SLC9C2: variants seen among roughly 807,000 people sequenced by gnomAD.
SLC9C2 encodes the protein solute carrier family 9 member C2 (putative).
A neutral mutation model predicts 140.2 loss-of-function variants in SLC9C2; 75 were observed. The observed-to-expected ratio is 0.53, with a 90% CI of 0.44 to 0.65. The LOEUF is 0.65. SLC9C2 is among the 30% of genes least tolerant of loss of function. The pLI is 0.00. For synonymous variants in SLC9C2, 375 were observed against 420.9 expected (o/e 0.89, Z 1.34); for missense variants, 1,074 against 1,331.8 (o/e 0.81, Z 3.01).
At chr1:173,580,595 C>T (rs1490187364) in intron 7 of SLC9C2, among the ~76,000 whole-genome samples, 3 of 152,276 alleles carry the variant, frequency 2.0e-5, no homozygotes, top group East Asian at 3.9e-4. Context: ...TCAAGTGATC[C>T]GCCTGCCTCA....
chr1:173,534,372 A>C, intron 16 of SLC9C2, 112 bp downstream of exon 16: 1 of 1,138,496 alleles, frequency 8.8e-7, no homozygotes, highest in South Asian at 1.6e-5. Flanking sequence ...GATCTCATCA[A>C]CTATCATAGC....
intron 18 of SLC9C2, among the ~76,000 whole-genome samples, chr1:173,528,878 C>T (rs1461024): frequency 0.51 from 77,157 of 151,978 alleles, 21,319 homozygotes; most frequent in East Asian, 0.95. Context: ...TCACCAAACA[C>T]TGGGGGCAAA....
intron 13 of SLC9C2, among the ~76,000 whole-genome samples, chr1:173,542,317 TG>T (rs745561444): frequency 9.9e-6 from 1 of 100,944 alleles, no homozygotes; most frequent in African/African-American, 2.7e-5. Context: ...AGGAAGAAGT[TG>T]AATGGCTGAA....
intron 10 of SLC9C2, 140 bp from the exon 11 acceptor site, chr1:173,554,954 T>C: frequency 1.6e-6 from 1 of 636,930 alleles, no homozygotes; most frequent in East Asian, 2.8e-5. Flanking sequence ...ATAAGTCAGT[T>C]AAGGCAAAAA....
rs375467479 is a variant in SLC9C2 at position 173,509,578 on chromosome 1, A to T, written c.3029T>A (p.Leu1010His). Reference protein sequence around the residue: ...STAYQYFESSLIDEDLRFQNC... With the variant: ...STAYQYFESSHIDEDLRFQNC... ...AATCACATAACTTACCTCATCAATA[A>T]GACTTGATTCAAAATACTGATAGGC... Residue 1010 changes from leucine to histidine, a missense_variant, in exon 24 of 28, where the codon CTT becomes CAT. By Grantham distance (99) the Leu-to-His change is moderately conservative. Coordinates refer to ENST00000367714, the MANE Select transcript of SLC9C2 (RefSeq NM_178527.4). The T allele has an allele frequency of 6.4e-7, 1 of 1,558,476 alleles. No individual in the cohort carries two copies. The highest frequency in any genetic ancestry group is 2.3e-5 in the East Asian group (1 of 42,612).
chr1:173,542,943 T>G (rs1474279428), intron 13 of SLC9C2, among the ~76,000 whole-genome samples: 1 of 152,172 alleles, frequency 6.6e-6, no homozygotes, highest in Non-Finnish European at 1.5e-5. Flanking sequence ...CTTTGAAAAC[T>G]GGCACAAGAC....
At chr1:173,576,857 A>G in intron 7 of SLC9C2, 97 bp from the exon 8 acceptor site, 1 of 796,462 alleles carries the variant, frequency 1.3e-6, no homozygotes, top group Non-Finnish European at 2.0e-6. Context: ...GGGAATCTTA[A>G]GAGAAGTAGT....
intron 7 of SLC9C2, among the ~76,000 whole-genome samples, chr1:173,579,265 T>C (rs2102207604): frequency 6.6e-6 from 1 of 152,330 alleles, no homozygotes; most frequent in South Asian, 2.1e-4. Flanking sequence ...TTAAGGCTGG[T>C]TCTTAGAGAC....
At chr1:173,582,913 A>G (rs916710595) in intron 6 of SLC9C2, among the ~76,000 whole-genome samples, 2 of 152,238 alleles carry the variant, frequency 1.3e-5, no homozygotes, top group Non-Finnish European at 2.9e-5. Flanking sequence ...CCAGTAAAGA[A>G]GTAATTCTGA....
intron 5 of SLC9C2, among the ~76,000 whole-genome samples, 158 bp downstream of exon 5, chr1:173,587,507 C>T (rs1231248048): frequency 2.6e-5 from 4 of 152,032 alleles, no homozygotes; most frequent in African/African-American, 9.7e-5. Context: ...TTTGCACTGT[C>T]TCCTTAAAGT....
At position 173,521,288 on chromosome 1, in the gene SLC9C2, A is replaced by C. The variant is rs780224202; in HGVS notation, c.2739+13T>G. 7.1e-7 allele frequency: 1 copy of C among 1,410,394 alleles called. No homozygotes were observed. The highest frequency in any genetic ancestry group is 2.6e-5 in the Admixed American group (1 of 38,678). The allele number at this position is 1,410,394 out of a possible 1,614,324, so 87.4% of individuals were successfully genotyped here. ...TTAAGTAAAAAAAAAAAAAAAAATCAATAGTCCCTTACAATTGCCATTCCT... is the reference window on the plus strand; with the variant it reads ...TTAAGTAAAAAAAAAAAAAAAAATCCATAGTCCCTTACAATTGCCATTCCT... On this transcript the variant is annotated intron_variant, in intron 22 of 27. Coordinates refer to ENST00000367714, the MANE Select transcript of SLC9C2 (RefSeq NM_178527.4).
rs147559775 is a variant in SLC9C2 at position 173,587,773 on chromosome 1, C to T, written c.415G>A (p.Val139Ile). The T allele has an allele frequency of 4.2e-4, 674 of 1,613,042 alleles. No individual in the cohort carries two copies. The highest frequency in any genetic ancestry group is 5.5e-4 in the Non-Finnish European group (649 of 1,179,376). Residue 139 changes from valine to isoleucine, a missense_variant, in exon 5 of 28, where the codon GTT becomes ATT. By Grantham distance (29) the Val-to-Ile change is conservative. Transcript: ENST00000367714. ...STASIIIGYV[V>I]IKFNKDSWDL... ...CATGAATCTTTATTGAATTTTATAA[C>T]GACATATCCAATTATGATGCTTGCT...
At chr1:173,537,131 G>T in intron 13 of SLC9C2, 92 bp from the exon 14 acceptor site, 1 of 913,930 alleles carries the variant, frequency 1.1e-6, no homozygotes, top group Non-Finnish European at 1.7e-6. Flanking sequence ...TATTATTACT[G>T]AACTCAATAT....
intron 20 of SLC9C2, among the ~76,000 whole-genome samples, 164 bp downstream of exon 20, chr1:173,524,615 G>A (rs61828881): frequency 0.035 from 5,340 of 152,244 alleles, 119 homozygotes; most frequent in Admixed American, 0.054. Flanking sequence ...GGAGTGTACC[G>A]GATTGCATCG....
In SLC9C2 at chr1:173,583,634, A is replaced by G. The variant is rs753300862; in HGVS notation, c.524-12T>C. 2 of 1,370,272 alleles carry G rather than the reference A, an allele frequency of 1.5e-6. No homozygotes were observed. Among genetic ancestry groups the G allele is most frequent in the South Asian group, 1.3e-5 (1 of 74,644 alleles). The allele number at this position is 1,370,272 out of a possible 1,614,324, so 84.9% of individuals were successfully genotyped here. ...TATTTTAGAAATGCCTGAAAAAGGAAATACAAAATGTAACTCAATATGCTA... is the reference window on the plus strand; with the variant it reads ...TATTTTAGAAATGCCTGAAAAAGGAGATACAAAATGTAACTCAATATGCTA... On this transcript the variant is annotated splice_polypyrimidine_tract_variant and intron_variant, in intron 5 of 27. Transcript: ENST00000367714.
chr1:173,598,303 A>T (rs2102275736), intron 3 of SLC9C2, among the ~76,000 whole-genome samples: 1 of 152,314 alleles, frequency 6.6e-6, no homozygotes, highest in South Asian at 2.1e-4. Context: ...TATTTTCAAA[A>T]GTGATATCCC....
At chr1:173,564,597 T>C (rs1664329652) in intron 9 of SLC9C2, among the ~76,000 whole-genome samples, 1 of 152,042 alleles carries the variant, frequency 6.6e-6, no homozygotes, top group African/African-American at 2.4e-5. Flanking sequence ...ATATTCTGGT[T>C]ATGAAACTCT....
intron 4 of SLC9C2, 52 bp downstream of exon 4, chr1:173,597,852 T>A: frequency 6.6e-7 from 1 of 1,504,512 alleles, no homozygotes; most frequent in East Asian, 2.4e-5. Flanking sequence ...ATATTCTCTA[T>A]CAACGTGCAT....
At chr1:173,597,763 A>C (rs1417911687) in intron 4 of SLC9C2, 141 bp downstream of exon 4, 1 of 782,164 alleles carries the variant, frequency 1.3e-6, no homozygotes, top group Non-Finnish European at 1.9e-6. Context: ...CTTTTTAGTT[A>C]GTAGTTCTAT....
Sources: gnomAD v4.1 joint callset for allele counts (sites outside exome capture counted in the v4.1 genomes callset) on GRCh38, gnomAD v4.1.1 for gene constraint, MANE v1.5 for transcripts, NCBI Gene and HGNC (gene_info 2026-07-23, HGNC 2026-07-21) for gene names.